Variants in ENPP1 observed in about 807,000 individuals in gnomAD.
ENPP1 encodes ectonucleotide pyrophosphatase/phosphodiesterase family member 1.
Under a neutral mutation model 122.8 loss-of-function variants are expected in ENPP1, and 73 were observed. That is an observed-to-expected ratio of 0.59 (90% CI 0.49 to 0.72). The LOEUF (loss-of-function observed/expected upper bound fraction) is 0.72, where lower values mean the gene tolerates loss of function less well. Among genes scored for constraint, ENPP1 ranks in the 30% least tolerant of loss-of-function variants. The pLI, the probability that ENPP1 is intolerant of heterozygous loss-of-function variation, is 0.00. For missense variants in ENPP1, 978 were observed against 1,128.1 expected (o/e 0.87, Z 1.91); for synonymous variants, 367 against 391.6 (o/e 0.94, Z 0.74).
chr6:131,814,718 G>C (rs549710824), intron 1 of ENPP1, among the ~76,000 whole-genome samples: 49 of 152,214 alleles, frequency 3.2e-4, no homozygotes, highest in Admixed American at 1.1e-3. Context: ...TTTGTTATCT[G>C]TCCAGCCATA....
At chr6:131,887,962 G>A (rs1279255719) in intron 24 of ENPP1, among the ~76,000 whole-genome samples, 1 of 146,262 alleles carries the variant, frequency 6.8e-6, no homozygotes, top group African/African-American at 2.5e-5. Context: ...CCGGGCTCAA[G>A]CGATTCTCCT....
At chr6:131,821,072 A>G (rs1781479499) in intron 1 of ENPP1, among the ~76,000 whole-genome samples, 1 of 152,236 alleles carries the variant, frequency 6.6e-6, no homozygotes, top group African/African-American at 2.4e-5. Flanking sequence ...GGCACTTTAC[A>G]TCCTTAACTA....
intron 1 of ENPP1, 84 bp from the exon 2 acceptor site, chr6:131,847,692 T>C: frequency 2.1e-6 from 2 of 973,894 alleles, no homozygotes; most frequent in Non-Finnish European, 3.1e-6. Context: ...GGTAACAGAG[T>C]AAGACACTAT....
In ENPP1 at chr6:131,820,112, C is replaced by T. The variant is rs755523143; in HGVS notation, c.240+11837C>T. ...ACCATCTTGCCCCCCTTCCCTGCTTCGGAGCGACTGGTCATAGTTTAAGAG... is the reference window on the plus strand; with the variant it reads ...ACCATCTTGCCCCCCTTCCCTGCTTTGGAGCGACTGGTCATAGTTTAAGAG... On this transcript the variant is annotated intron_variant, in intron 1 of 24. Coordinates refer to ENST00000647893, the MANE Select transcript of ENPP1 (RefSeq NM_006208.3). 7.5e-5 allele frequency: 33 copies of T among 440,678 alleles called. No individual in the cohort carries two copies. In the East Asian group the frequency reaches 8.5e-4, roughly 11 times the overall value. The allele number at this position is 440,678 out of a possible 1,614,324, so 27.3% of individuals were successfully genotyped here.
At chr6:131,826,710 G>A (rs1585796938) in intron 1 of ENPP1, 4 of 563,448 alleles carry the variant, frequency 7.1e-6, no homozygotes, top group Non-Finnish European at 1.3e-5. Flanking sequence ...CTTCAGTGAA[G>A]GCAAGAGGTC....
Position 131,883,759 on chromosome 6 carries a change from T to C in ENPP1, c.2296T>C (p.Tyr766His). 6.6e-7 allele frequency: 1 copy of C among 1,505,750 alleles called. No homozygotes were observed. Among genetic ancestry groups the C allele is most frequent in the Non-Finnish European group, 9.2e-7 (1 of 1,081,950 alleles). 93.3% of individuals were successfully genotyped at this position (1,505,750 alleles called of 1,614,324 possible). Reference protein sequence around the residue: ...ALLTTNIVPMYQSFQVIWRYF... With the variant: ...ALLTTNIVPMHQSFQVIWRYF... ...GCTTACTACAAATATAGTGCCAATG[T>C]ACCAGAGTTTTCAAGGTAAATAATG... Residue 766 changes from tyrosine (Y) to histidine (H), a missense_variant, in exon 22 of 25, where the codon TAC (tyrosine) becomes CAC (histidine). Transcript: ENST00000647893.
At chr6:131,880,181 G>A in intron 20 of ENPP1, 147 bp downstream of exon 20, 1 of 872,760 alleles carries the variant, frequency 1.1e-6, no homozygotes, top group East Asian at 2.5e-5. Flanking sequence ...GAAAAATTCA[G>A]TTCCAGTTCA....
At position 131,859,184 on chromosome 6, in the gene ENPP1, G is replaced by A. The variant is rs181996575; in HGVS notation, c.795+437G>A. Among the ~76,000 whole-genome samples the A allele has an allele frequency of 4.9e-3, 752 of 152,190 alleles. 6 individuals are homozygous for A. The highest frequency in any genetic ancestry group is 0.017 in the African/African-American group (723 of 41,516). On this transcript the variant is annotated intron_variant, in intron 7 of 24. Coordinates refer to ENST00000647893, the MANE Select transcript of ENPP1 (RefSeq NM_006208.3). ...GGATTACAATCCTGTTTTTGTTTCA[G>A]TGTTTCCAGATTTAATTTGAGTCAA... is the stretch of plus-strand genomic sequence containing the variant.
intron 1 of ENPP1, among the ~76,000 whole-genome samples, chr6:131,836,178 T>C (rs190314602): frequency 7.2e-5 from 11 of 152,070 alleles, no homozygotes; most frequent in African/African-American, 2.7e-4. Context: ...AATGGAGTGA[T>C]CTCAGTTTAC....
chr6:131,830,625 T>A (rs965356124), intron 1 of ENPP1, among the ~76,000 whole-genome samples: 2 of 152,248 alleles, frequency 1.3e-5, no homozygotes, highest in East Asian at 3.8e-4. Flanking sequence ...ATGATTTACA[T>A]ATTTCCATGT....
intron 23 of ENPP1, 30 bp from the exon 24 acceptor site, chr6:131,886,532 T>C: frequency 6.5e-7 from 1 of 1,541,754 alleles, no homozygotes; most frequent in Non-Finnish European, 9.0e-7. Flanking sequence ...GTTATTTCTT[T>C]CTTAAAATGA....
intron 1 of ENPP1, among the ~76,000 whole-genome samples, chr6:131,818,096 C>G (rs1319660669): frequency 6.6e-6 from 1 of 152,010 alleles, no homozygotes; most frequent in Non-Finnish European, 1.5e-5. Context: ...TTGACGTTAG[C>G]AAGCATCTGG....
rs769170108 is a variant in ENPP1, at chr6:131,873,001, A to G, written c.1516A>G (p.Arg506Gly). The change falls in exon 15 of 25, where the codon AGA becomes GGA. Residue 506 changes from arginine to glycine, a missense_variant. By Grantham distance (125) the Arg-to-Gly change is moderately radical. Transcript: ENST00000647893. ...PKRLHFAKSD[R>G]IEPLTFYLDP... ...GCGTTTGCACTTTGCTAAGAGTGAT[A>G]GAATTGAGCCCTTGACATTCTATTT... 6.2e-7 allele frequency: 1 copy of G among 1,613,878 alleles called. No homozygotes were observed. The highest frequency in any genetic ancestry group is 8.5e-7 in the Non-Finnish European group (1 of 1,179,778).
At chr6:131,830,071 T>G (rs1181630089) in intron 1 of ENPP1, among the ~76,000 whole-genome samples, 1 of 152,122 alleles carries the variant, frequency 6.6e-6, no homozygotes, top group Non-Finnish European at 1.5e-5. Context: ...TGAGCATGCC[T>G]GGGATTTCAT....
At chr6:131,863,032 C>A (rs2114704918) in intron 9 of ENPP1, among the ~76,000 whole-genome samples, 1 of 152,194 alleles carries the variant, frequency 6.6e-6, no homozygotes, top group Non-Finnish European at 1.5e-5. Context: ...ACAAGGACAG[C>A]TTAAAGGTTA....
intron 1 of ENPP1, among the ~76,000 whole-genome samples, chr6:131,837,172 T>TTGTGTGTGTGTGTGTGTG (rs67550562): frequency 3.7e-5 from 5 of 135,972 alleles, no homozygotes; most frequent in South Asian, 2.7e-4. Flanking sequence ...CCTGTTGTCA[T>TTGTGTGTGTGTGTGTGTG]TGTGTGTGTG....
At position 131,872,108 on chromosome 6, in the gene ENPP1, A is replaced by T. The variant is rs2114714503; in HGVS notation, c.1437+7A>T. On this transcript the variant is annotated splice_region_variant and intron_variant, in intron 14 of 24. Transcript: ENST00000647893. ...CATTGCCCGAAATCTTTCTGTGAGT[A>T]TCTTTATTTTCCATTATCTAGTTAT... is the stretch of plus-strand genomic sequence containing the variant. 9 of 1,572,652 alleles carry T rather than the reference A, an allele frequency of 5.7e-6. No homozygotes were observed. The East Asian group carries it at 2.0e-4, about 35-fold the overall frequency.
intron 24 of ENPP1, among the ~76,000 whole-genome samples, chr6:131,887,398 T>TA (rs1413842494): frequency 1.1e-4 from 16 of 151,696 alleles, no homozygotes; most frequent in African/African-American, 2.2e-4. Context: ...TTAGCAATTT[T>TA]TTTTTTTTTT....
chr6:131,818,103 C>T (rs1432360609), intron 1 of ENPP1, among the ~76,000 whole-genome samples: 2 of 152,068 alleles, frequency 1.3e-5, no homozygotes, highest in Admixed American at 6.6e-5. Flanking sequence ...TAGCAAGCAT[C>T]TGGGGGATCT....
Sources: gnomAD v4.1 joint callset for allele counts (sites outside exome capture counted in the v4.1 genomes callset) on GRCh38, gnomAD v4.1.1 for gene constraint, MANE v1.5 for transcripts, NCBI Gene and HGNC (gene_info 2026-07-23, HGNC 2026-07-21) for gene names.